EFCAB6: variants seen among roughly 807,000 people sequenced by gnomAD.
EFCAB6 encodes the protein EF-hand calcium-binding domain-containing protein 6.
EFCAB6 carries 156 observed loss-of-function variants against 169.8 expected under a neutral mutation model. That is an observed-to-expected ratio of 0.92 (90% CI 0.81 to 1.05). The LOEUF (loss-of-function observed/expected upper bound fraction) is 1.05. Among genes scored for constraint, EFCAB6 ranks in the 50% least tolerant of loss-of-function variants. The pLI, the probability that EFCAB6 is intolerant of heterozygous loss-of-function variation, is 0.00. For missense variants in EFCAB6, 1,800 were observed against 1,829.1 expected (o/e 0.98, Z 0.29); for synonymous variants, 698 against 676.4 (o/e 1.03, Z -0.50).
intron 22 of EFCAB6, among the ~76,000 whole-genome samples, chr22:43,604,487 G>C (rs1303653581): frequency 6.6e-6 from 1 of 152,178 alleles, no homozygotes; most frequent in Non-Finnish European, 1.5e-5. Flanking sequence ...TGTATTCAGT[G>C]CTTCTAAAAG....
chr22:43,551,680 G>T (rs768613787), intron 27 of EFCAB6, among the ~76,000 whole-genome samples: 94 of 152,114 alleles, frequency 6.2e-4, no homozygotes, highest in African/African-American at 2.2e-3. Context: ...ACCTCAACAG[G>T]CCCCAGTGTG....
In EFCAB6 at chr22:43,540,113, G is replaced by C; in HGVS notation, c.3879+14C>G. On this transcript the variant is annotated intron_variant, in intron 28 of 31. Transcript: ENST00000262726. ...TGAGGAGGCCTGGGACACCTGGCAG[G>C]ATGGAGAACTCACACAGGGGTGGCT... is the stretch of plus-strand genomic sequence containing the variant. 1 of 1,613,232 alleles carries C rather than the reference G, an allele frequency of 6.2e-7. No individual in the cohort carries two copies. The highest frequency in any genetic ancestry group is 8.5e-7 in the Non-Finnish European group (1 of 1,179,302).
intron 17 of EFCAB6, among the ~76,000 whole-genome samples, chr22:43,658,438 C>T (rs910276985): frequency 6.6e-5 from 10 of 152,196 alleles, no homozygotes; most frequent in South Asian, 4.1e-4. Context: ...TTATGTGGCC[C>T]TGGAGTGACA....
chr22:43,684,958 T>C (rs2058135620), intron 11 of EFCAB6, among the ~76,000 whole-genome samples: 1 of 151,920 alleles, frequency 6.6e-6, no homozygotes, highest in East Asian at 1.9e-4. Context: ...AATGCCATAA[T>C]CCCAAATGTT....
intron 23 of EFCAB6, among the ~76,000 whole-genome samples, chr22:43,597,050 G>C (rs919562854): frequency 6.6e-6 from 1 of 152,266 alleles, no homozygotes; most frequent in Middle Eastern, 3.4e-3. Flanking sequence ...ATAGCCACCT[G>C]CAGAGGAACT....
At chr22:43,533,777 G>T (rs1018855168) in intron 30 of EFCAB6, among the ~76,000 whole-genome samples, 1 of 152,090 alleles carries the variant, frequency 6.6e-6, no homozygotes, top group East Asian at 1.9e-4. Flanking sequence ...TATTGCTCAC[G>T]TTATCACATG....
At chr22:43,732,203 G>A (rs988097886) in intron 7 of EFCAB6, among the ~76,000 whole-genome samples, 6 of 152,128 alleles carry the variant, frequency 3.9e-5, no homozygotes, top group Admixed American at 2.0e-4. Context: ...TTTAATAATT[G>A]TAGGGAAATG....
chr22:43,776,936 CA>C lies in EFCAB6; in HGVS notation c.140-3834del, dbSNP rs1447532463. The stretch of plus-strand genomic sequence containing the variant: ...TATGTAAAGAATGGATTATAGGGGG[CA>C]AAAAATGAGGAAGAGAGACAAGAGA... On this transcript the variant is annotated intron_variant, in intron 3 of 31. Coordinates refer to ENST00000262726, the MANE Select transcript of EFCAB6 (RefSeq NM_022785.4). 3.3e-5 allele frequency among the ~76,000 whole-genome samples: 5 copies of C among 151,884 alleles called. No homozygotes were observed. In the East Asian group the frequency reaches 7.7e-4, roughly 24 times the overall value.
chr22:43,589,280 CAAAAAAAAAAAAAAAAAAAA>C (rs1163346832), intron 24 of EFCAB6, among the ~76,000 whole-genome samples: 5,462 of 80,092 alleles, frequency 0.068, 138 homozygotes, highest in South Asian at 0.13. Context: ...GACTTCATGT[CAAAAAAAAAAAAAAAAAAAA>C]AAAAAAAAAA....
chr22:43,647,071 G>T (rs1309328939), intron 17 of EFCAB6, among the ~76,000 whole-genome samples: 1 of 152,042 alleles, frequency 6.6e-6, no homozygotes, highest in Non-Finnish European at 1.5e-5. Flanking sequence ...CGTGGGGACA[G>T]GGGTATACGG....
At chr22:43,718,063 C>CCAT (rs2059395876) in intron 8 of EFCAB6, among the ~76,000 whole-genome samples, 6 of 132,010 alleles carry the variant, frequency 4.5e-5, no homozygotes, top group African/African-American at 1.5e-4. Context: ...CATCCATCCA[C>CCAT]CCATCCATCC....
intron 6 of EFCAB6, among the ~76,000 whole-genome samples, chr22:43,737,738 CA>C (rs2060202595): frequency 6.6e-6 from 1 of 150,588 alleles, no homozygotes; most frequent in Non-Finnish European, 1.5e-5. Context: ...TTCACACACA[CA>C]CATGCACAGA....
chr22:43,654,306 G>A (rs963890603), intron 17 of EFCAB6, among the ~76,000 whole-genome samples: 7 of 152,234 alleles, frequency 4.6e-5, no homozygotes, highest in African/African-American at 9.6e-5. Flanking sequence ...TGAGGGCTGT[G>A]CACCATGGAT....
At chr22:43,626,026 T>C (rs995711727) in intron 20 of EFCAB6, among the ~76,000 whole-genome samples, 4 of 152,152 alleles carry the variant, frequency 2.6e-5, no homozygotes, top group Non-Finnish European at 4.4e-5. Context: ...GATTAATACA[T>C]AGAAAAATAA....
intron 10 of EFCAB6, among the ~76,000 whole-genome samples, chr22:43,696,824 C>A (rs1033539669): frequency 1.3e-5 from 2 of 152,008 alleles, no homozygotes; most frequent in Non-Finnish European, 2.9e-5. Flanking sequence ...TTACACAGGG[C>A]AAATGTAAAA....
chr22:43,664,399 G>C (rs2057147286), intron 17 of EFCAB6, among the ~76,000 whole-genome samples: 1 of 152,192 alleles, frequency 6.6e-6, no homozygotes, highest in African/African-American at 2.4e-5. Flanking sequence ...GTCAACCTTT[G>C]GAGCATATTT....
intron 17 of EFCAB6, among the ~76,000 whole-genome samples, chr22:43,652,187 C>T: frequency 6.6e-6 from 1 of 152,110 alleles, no homozygotes; most frequent in East Asian, 1.9e-4. Context: ...TGGGAGGGAC[C>T]TGGTGGGAGG....
intron 7 of EFCAB6, among the ~76,000 whole-genome samples, chr22:43,733,798 T>G (rs2060039316): frequency 6.6e-6 from 1 of 152,026 alleles, no homozygotes; most frequent in Admixed American, 6.6e-5. Flanking sequence ...AACCTCCGCC[T>G]CCCGGGTTCA....
chr22:43,553,346 G>T (rs2048496814), intron 27 of EFCAB6: 1 of 152,288 alleles, frequency 6.6e-6, no homozygotes. Flanking sequence ...GTTTTAGTCT[G>T]AATTATTCTC....
Sources: gnomAD v4.1 joint callset for allele counts (sites outside exome capture counted in the v4.1 genomes callset) on GRCh38, gnomAD v4.1.1 for gene constraint, MANE v1.5 for transcripts, NCBI Gene and HGNC (gene_info 2026-07-23, HGNC 2026-07-21) for gene names.